The following CAB39 variants were observed in gnomAD, a reference collection of about 807,000 sequenced individuals.
CAB39 encodes calcium binding protein 39, also known as calcium-binding protein 39.
In CAB39, 8 loss-of-function variants were observed where a neutral mutation model predicts 40.0. The observed-to-expected ratio is 0.20, with a 90% CI of 0.12 to 0.36. The LOEUF is 0.36. Ranked by LOEUF, CAB39 falls within the 10% of genes least tolerant of loss-of-function variation. The pLI is 1.00. For synonymous variants in CAB39, 156 were observed against 141.6 expected, an observed-to-expected ratio of 1.10 and a Z score of -0.72; for missense variants, 270 against 401.1, an observed-to-expected ratio of 0.67 and a Z score of 2.79.
intron 1 of CAB39, among the ~76,000 whole-genome samples, chr2:230,745,720 G>C (rs776420890): frequency 6.6e-6 from 1 of 151,888 alleles, no homozygotes; most frequent in Non-Finnish European, 1.5e-5. Context: ...TCCACCTCCC[G>C]GGTTAAAGCG....
chr2:230,780,306 A>G (rs1172063087), intron 2 of CAB39, among the ~76,000 whole-genome samples: 2 of 152,224 alleles, frequency 1.3e-5, no homozygotes, highest in East Asian at 3.8e-4. Flanking sequence ...CCTAAATGTT[A>G]ACGTCTTTTA....
chr2:230,761,692 A>G lies in CAB39; in HGVS notation c.114+1577A>G, dbSNP rs535883499. Reference sequence around the variant, plus strand: ...CTGTCTGTATTTTCCTTTATTGCTTATTATCTTTTGGTATGTGCTGCTGGC... The same window carrying G: ...CTGTCTGTATTTTCCTTTATTGCTTGTTATCTTTTGGTATGTGCTGCTGGC... On this transcript the variant is annotated intron_variant, in intron 2 of 8. Transcript: ENST00000258418. Among the ~76,000 whole-genome samples, 10 of 152,024 alleles carry G rather than the reference A, an allele frequency of 6.6e-5. No homozygotes were observed. The East Asian group carries it at 1.7e-3, about 26-fold the overall frequency.
chr2:230,716,374 C>G (rs1334226038), intron 1 of CAB39, among the ~76,000 whole-genome samples: 2 of 152,126 alleles, frequency 1.3e-5, no homozygotes, highest in Non-Finnish European at 2.9e-5. Flanking sequence ...GCCATACTTT[C>G]CCAAGAGCCT....
At chr2:230,743,028 G>A (rs898906470) in intron 1 of CAB39, among the ~76,000 whole-genome samples, 2 of 152,200 alleles carry the variant, frequency 1.3e-5, no homozygotes, top group African/African-American at 4.8e-5. Context: ...AGAACATCGT[G>A]TGGTCTCTTT....
chr2:230,714,290 C>T (rs959279430), intron 1 of CAB39, among the ~76,000 whole-genome samples: 2 of 152,100 alleles, frequency 1.3e-5, no homozygotes, highest in Admixed American at 1.3e-4. Context: ...TAAAGGCGCT[C>T]TTGTGAAAGG....
At chr2:230,742,033 A>G (rs1416596201) in intron 1 of CAB39, among the ~76,000 whole-genome samples, 3 of 152,246 alleles carry the variant, frequency 2.0e-5, no homozygotes, top group Non-Finnish European at 2.9e-5. Flanking sequence ...TTGCTTGACC[A>G]TAAATGTTAG....
intron 5 of CAB39, among the ~76,000 whole-genome samples, chr2:230,801,358 A>G (rs1696086512): frequency 6.6e-6 from 1 of 152,342 alleles, no homozygotes; most frequent in South Asian, 2.1e-4. Context: ...AGGCGCTGAC[A>G]AGGAGGGACA....
At chr2:230,760,957 A>G (rs1191489027) in intron 2 of CAB39, among the ~76,000 whole-genome samples, 1 of 151,614 alleles carries the variant, frequency 6.6e-6, no homozygotes, top group Non-Finnish European at 1.5e-5. Context: ...TTCTTGTAAC[A>G]CACAGGATCT....
At chr2:230,774,808 C>T (rs1321092041) in intron 2 of CAB39, among the ~76,000 whole-genome samples, 6 of 151,906 alleles carry the variant, frequency 3.9e-5, no homozygotes, top group Non-Finnish European at 8.8e-5. Flanking sequence ...TATTAATAGA[C>T]TTTCCTTAGT....
chr2:230,816,589 A>G (rs1696405628), intron 7 of CAB39, among the ~76,000 whole-genome samples: 1 of 152,248 alleles, frequency 6.6e-6, no homozygotes, highest in South Asian at 2.1e-4. Context: ...AACTTCAAGT[A>G]TCTAGAACAT....
chr2:230,748,720 T>C (rs1695018668), intron 1 of CAB39, among the ~76,000 whole-genome samples: 1 of 149,324 alleles, frequency 6.7e-6, no homozygotes, highest in South Asian at 2.1e-4. Flanking sequence ...GGCACAAGAA[T>C]GGTTTGAACC....
intron 2 of CAB39, among the ~76,000 whole-genome samples, chr2:230,782,015 C>CCA (rs1381268641): frequency 2.0e-5 from 3 of 152,186 alleles, no homozygotes; most frequent in African/African-American, 7.2e-5. Flanking sequence ...CAGGCTCATG[C>CCA]CACTGCACCC....
At chr2:230,768,954 CAG>C (rs774094841) in intron 2 of CAB39, among the ~76,000 whole-genome samples, 2 of 152,230 alleles carry the variant, frequency 1.3e-5, no homozygotes, top group South Asian at 2.1e-4. Context: ...ATTTAAAAAA[CAG>C]AGATTGTCAG....
At chr2:230,774,013 G>T (rs1695539880) in intron 2 of CAB39, among the ~76,000 whole-genome samples, 1 of 152,074 alleles carries the variant, frequency 6.6e-6, no homozygotes, top group Non-Finnish European at 1.5e-5. Flanking sequence ...ACTTTGCAAG[G>T]TGCCTTTGTA....
intron 1 of CAB39, among the ~76,000 whole-genome samples, chr2:230,727,915 G>A (rs536366445): frequency 4.4e-4 from 67 of 152,072 alleles, no homozygotes; most frequent in African/African-American, 1.6e-3. Context: ...CTAGATCCTA[G>A]AATACCAAAA....
chr2:230,741,452 G>C (rs1694875580), intron 1 of CAB39, among the ~76,000 whole-genome samples: 1 of 152,176 alleles, frequency 6.6e-6, no homozygotes, highest in South Asian at 2.1e-4. Flanking sequence ...TTTACTTCTA[G>C]TATTTGCCCC....
intron 1 of CAB39, among the ~76,000 whole-genome samples, chr2:230,751,879 A>C (rs1159255411): frequency 6.6e-6 from 1 of 152,128 alleles, no homozygotes; most frequent in Admixed American, 6.6e-5. Flanking sequence ...CAGGCTTTTC[A>C]GGTGACTTTC....
chr2:230,808,230 G>T (rs563587750), intron 5 of CAB39, among the ~76,000 whole-genome samples: 35 of 152,032 alleles, frequency 2.3e-4, no homozygotes, highest in Non-Finnish European at 4.0e-4. Flanking sequence ...GGGATTACAG[G>T]CATGCATCAC....
intron 1 of CAB39, among the ~76,000 whole-genome samples, chr2:230,739,945 G>A (rs1694848543): frequency 6.6e-6 from 1 of 152,216 alleles, no homozygotes; most frequent in Non-Finnish European, 1.5e-5. Flanking sequence ...GATCTTATCA[G>A]TGGTTTATAA....
Sources: gnomAD v4.1 joint callset for allele counts (sites outside exome capture counted in the v4.1 genomes callset) on GRCh38, gnomAD v4.1.1 for gene constraint, MANE v1.5 for transcripts, NCBI Gene and HGNC (gene_info 2026-07-23, HGNC 2026-07-21) for gene names.